Variants in TMPRSS7 observed in about 807,000 individuals in gnomAD.
The protein encoded by TMPRSS7 is transmembrane protease serine 7.
A neutral mutation model predicts 95.6 loss-of-function variants in TMPRSS7; 81 were observed. The observed-to-expected ratio is 0.85, with a 90% confidence interval of 0.71 to 1.02. The LOEUF is 1.02. Ranked by LOEUF, TMPRSS7 falls within the 50% of genes least tolerant of loss-of-function variation. The probability of loss-of-function intolerance (pLI) is 0.00; values close to 1 mark genes in which losing one functional copy is unlikely to be tolerated. For missense variants in TMPRSS7, 945 were observed against 955.2 expected (o/e 0.99, Z 0.14); for synonymous variants, 364 against 337.8 (o/e 1.08, Z -0.85).
chr3:112,044,958 C>T lies in TMPRSS7; in HGVS notation c.497+636C>T, dbSNP rs569234605. ...CATTAGGAGCTCAGGCTCTGGGGGC[C>T]GACTGGAAACCAAATTGGGCTTAAT... On this transcript the variant is annotated intron_variant, in intron 4 of 17. Transcript: ENST00000452346. Among the ~76,000 whole-genome samples, 9 of 152,196 alleles carry T rather than the reference C, an allele frequency of 5.9e-5. No individual in the cohort carries two copies. In the South Asian group the frequency reaches 1.7e-3, roughly 28 times the overall value.
At chr3:112,047,747 T>A in exon 7 of TMPRSS7, 1 of 1,612,790 alleles carries the variant, frequency 6.2e-7, no homozygotes, top group Non-Finnish European at 8.5e-7. Context: ...AGACAAAGGC[T>A]GCTCTCAGTA....
intron 8 of TMPRSS7, 34 bp from the exon 9 acceptor site, chr3:112,050,637 C>T: frequency 1.6e-6 from 2 of 1,245,432 alleles, no homozygotes; most frequent in Non-Finnish European, 2.2e-6. Context: ...CTCACAGCTG[C>T]AAATCATTGT....
chr3:112,072,660 C>T (rs1234344002), intron 13 of TMPRSS7, among the ~76,000 whole-genome samples: 1 of 152,260 alleles, frequency 6.6e-6, no homozygotes, highest in Non-Finnish European at 1.5e-5. Flanking sequence ...TGTTTACCTA[C>T]TCAAGCCTCA....
chr3:112,036,727 G>A, intron 1 of TMPRSS7, among the ~76,000 whole-genome samples: 1 of 152,172 alleles, frequency 6.6e-6, no homozygotes, highest in South Asian at 2.1e-4. Context: ...TTGGAGAGTT[G>A]AGGAAAGAAC....
At chr3:112,039,052 G>A (rs570588016) in intron 2 of TMPRSS7, among the ~76,000 whole-genome samples, 80 of 152,270 alleles carry the variant, frequency 5.3e-4, no homozygotes, top group Non-Finnish European at 8.5e-4. Flanking sequence ...CCGGCTCCCT[G>A]AGCTCCATTT....
At chr3:112,072,898 T>G (rs962355432) in intron 13 of TMPRSS7, among the ~76,000 whole-genome samples, 2 of 152,228 alleles carry the variant, frequency 1.3e-5, no homozygotes, top group East Asian at 1.9e-4. Flanking sequence ...GTCTTTATAG[T>G]AGCAAGATTT....
chr3:112,068,066 A>G (rs1214267529), intron 13 of TMPRSS7, among the ~76,000 whole-genome samples: 1 of 152,204 alleles, frequency 6.6e-6, no homozygotes, highest in Non-Finnish European at 1.5e-5. Flanking sequence ...TTCCAGCACC[A>G]TTTATTAAAT....
Position 112,080,908 on chromosome 3 carries a change from G to C in TMPRSS7, c.2362-6G>C. On this transcript the variant is annotated splice_polypyrimidine_tract_variant and splice_region_variant and intron_variant, in intron 17 of 17. Transcript: ENST00000452346. ...TACTTTATACTTACATTTTTTGTGT[G>C]TGTAGGGAGATTCGGGTGGACCTTT... is the stretch of plus-strand genomic sequence containing the variant. 6.2e-7 allele frequency: 1 copy of C among 1,610,952 alleles called. No homozygotes were observed.
At chr3:112,067,356 G>T (rs111668259) in intron 13 of TMPRSS7, among the ~76,000 whole-genome samples, 4,557 of 152,240 alleles carry the variant, frequency 0.03, 192 homozygotes, top group African/African-American at 0.088. Flanking sequence ...GTAATGGGAT[G>T]GCTGGGTCAA....
chr3:112,076,346 C>T (rs1393894462), intron 15 of TMPRSS7, among the ~76,000 whole-genome samples: 2 of 152,102 alleles, frequency 1.3e-5, no homozygotes, highest in Non-Finnish European at 2.9e-5. Context: ...AGTTGGTGAC[C>T]CTATGAATGG....
intron 9 of TMPRSS7, among the ~76,000 whole-genome samples, chr3:112,053,084 C>T (rs1411591377): frequency 6.6e-6 from 1 of 151,734 alleles, no homozygotes; most frequent in African/African-American, 2.4e-5. Flanking sequence ...AAAACTGTTC[C>T]TTTTCAGAAA....
intron 6 of TMPRSS7, 42 bp from the exon 7 acceptor site, chr3:112,047,697 T>C: frequency 7.3e-7 from 1 of 1,376,698 alleles, no homozygotes; most frequent in Non-Finnish European, 1.0e-6. Context: ...AAGTCATTCC[T>C]AAAAAAAAAG....
intron 11 of TMPRSS7, 109 bp downstream of exon 11, chr3:112,062,032 T>C: frequency 1.5e-6 from 1 of 679,860 alleles, no homozygotes; most frequent in Non-Finnish European, 2.1e-6. Context: ...TTATTTCTGC[T>C]ATTTCCTTTT....
chr3:112,050,153 A>G (rs745958045), intron 8 of TMPRSS7, among the ~76,000 whole-genome samples, 179 bp downstream of exon 8: 8 of 152,374 alleles, frequency 5.3e-5, no homozygotes, highest in South Asian at 2.1e-4. Flanking sequence ...TTCTGTAAGA[A>G]CTATTAACTT....
At chr3:112,068,690 T>A (rs1311958516) in intron 13 of TMPRSS7, among the ~76,000 whole-genome samples, 1 of 152,184 alleles carries the variant, frequency 6.6e-6, no homozygotes, top group Non-Finnish European at 1.5e-5. Flanking sequence ...CTGAGACTGC[T>A]GAAATTGCTT....
At chr3:112,055,677 T>C (rs1310545883) in intron 9 of TMPRSS7, among the ~76,000 whole-genome samples, 2 of 151,640 alleles carry the variant, frequency 1.3e-5, no homozygotes, top group Admixed American at 1.3e-4. Context: ...ATGGGCAATG[T>C]ATCAGGCAAG....
chr3:112,037,975 T>G (rs2073164296), intron 1 of TMPRSS7, 97 bp from the exon 2 acceptor site: 2 of 634,430 alleles, frequency 3.2e-6, no homozygotes, highest in Non-Finnish European at 5.6e-6. Flanking sequence ...ATAGTCATAT[T>G]TAGGCCTTTT....
chr3:112,080,989 G>A, exon 18 of TMPRSS7: 1 of 1,613,678 alleles, frequency 6.2e-7, no homozygotes, highest in East Asian at 2.2e-5. Context: ...TGTTAGCTGG[G>A]GACATGGAAG....
intron 13 of TMPRSS7, among the ~76,000 whole-genome samples, chr3:112,071,371 C>T (rs1231584971): frequency 6.6e-6 from 1 of 152,210 alleles, no homozygotes; most frequent in Non-Finnish European, 1.5e-5. Context: ...CTTTGGCTGC[C>T]CTTAACATTT....
Sources: allele counts gnomAD v4.1 joint callset (sites outside exome capture counted in the v4.1 genomes callset), GRCh38; gene constraint gnomAD v4.1.1; transcripts MANE v1.5; gene names NCBI Gene and HGNC (gene_info 2026-07-23, HGNC 2026-07-21).